The following CLSTN2 variants were observed in gnomAD, a reference collection of about 807,000 sequenced individuals.
CLSTN2 encodes the protein calsyntenin 2, also known as calsyntenin-2.
CLSTN2 carries 48 observed loss-of-function variants against 101.2 expected under a neutral mutation model. The ratio of observed to expected loss-of-function variants is 0.47; its 90% CI spans 0.38 to 0.60. The LOEUF (loss-of-function observed/expected upper bound fraction) is 0.60. Among genes scored for constraint, CLSTN2 ranks in the 20% least tolerant of loss-of-function variants. CLSTN2 has a pLI of 0.00. For synonymous variants in CLSTN2, 481 were observed against 463.6 expected, an observed-to-expected ratio of 1.04 and a Z score of -0.48; for missense variants, 1,160 against 1,238.2, an observed-to-expected ratio of 0.94 and a Z score of 0.95.
chr3:140,555,062 A>G (rs1935768851), intron 10 of CLSTN2, among the ~76,000 whole-genome samples: 1 of 152,224 alleles, frequency 6.6e-6, no homozygotes, highest in Non-Finnish European at 1.5e-5. Context: ...CTCATACTTC[A>G]TGTCCATTAT....
At chr3:140,475,917 G>C (rs375687194) in intron 8 of CLSTN2, among the ~76,000 whole-genome samples, 18 of 152,178 alleles carry the variant, frequency 1.2e-4, no homozygotes, top group Non-Finnish European at 2.2e-4. Flanking sequence ...AAAGAATGAA[G>C]TAACGTCAAC....
chr3:140,479,685 A>G (rs1039465136), intron 8 of CLSTN2, among the ~76,000 whole-genome samples: 3 of 152,242 alleles, frequency 2.0e-5, no homozygotes, highest in Non-Finnish European at 2.9e-5. Flanking sequence ...GGAAAAATAC[A>G]ATATCTAAAG....
At chr3:140,482,077 C>T (rs917993591) in intron 8 of CLSTN2, among the ~76,000 whole-genome samples, 3 of 152,178 alleles carry the variant, frequency 2.0e-5, no homozygotes, top group Non-Finnish European at 2.9e-5. Flanking sequence ...ATGATATTGG[C>T]TGTGGGTTTG....
chr3:140,133,803 C>A (rs2009559332), intron 1 of CLSTN2, among the ~76,000 whole-genome samples: 1 of 152,162 alleles, frequency 6.6e-6, no homozygotes, highest in Admixed American at 6.6e-5. Flanking sequence ...AACTTAGTCT[C>A]CCCATGCAGG....
chr3:140,247,981 G>T (rs2086530885), intron 2 of CLSTN2, among the ~76,000 whole-genome samples: 1 of 152,160 alleles, frequency 6.6e-6, no homozygotes, highest in African/African-American at 2.4e-5. Flanking sequence ...AAAGCTCCCA[G>T]GGTTGAGGTC....
At chr3:140,492,335 G>A (rs1232906569) in intron 8 of CLSTN2, among the ~76,000 whole-genome samples, 1 of 152,112 alleles carries the variant, frequency 6.6e-6, no homozygotes, top group Non-Finnish European at 1.5e-5. Flanking sequence ...AAATACATGT[G>A]TTTATTAAAA....
At chr3:140,273,214 G>A (rs925412279) in intron 2 of CLSTN2, among the ~76,000 whole-genome samples, 1 of 151,988 alleles carries the variant, frequency 6.6e-6, no homozygotes, top group Admixed American at 6.6e-5. Context: ...CCTGTCGGGG[G>A]GTGGGGGGCA....
chr3:140,339,011 A>T (rs2087467765), intron 2 of CLSTN2, among the ~76,000 whole-genome samples: 1 of 152,212 alleles, frequency 6.6e-6, no homozygotes, highest in Non-Finnish European at 1.5e-5. Context: ...GGGAGTAGGA[A>T]TGTGTCATGC....
chr3:140,369,704 C>T (rs964644676), intron 2 of CLSTN2, among the ~76,000 whole-genome samples: 4 of 152,176 alleles, frequency 2.6e-5, no homozygotes, highest in Non-Finnish European at 4.4e-5. Context: ...CACACCCCTC[C>T]TCCACCCCCA....
chr3:140,039,283 CA>C (rs1477364640), intron 1 of CLSTN2, among the ~76,000 whole-genome samples: 15 of 152,068 alleles, frequency 9.9e-5, no homozygotes, highest in Admixed American at 3.3e-4. Flanking sequence ...TTTCTGGGTC[CA>C]GGGGGTAGAA....
intron 8 of CLSTN2, among the ~76,000 whole-genome samples, chr3:140,523,316 T>A (rs950269093): frequency 6.6e-6 from 1 of 152,158 alleles, no homozygotes; most frequent in Non-Finnish European, 1.5e-5. Flanking sequence ...TGTAGAGAAC[T>A]TAGGTTTCCA....
intron 2 of CLSTN2, among the ~76,000 whole-genome samples, chr3:140,351,088 G>T (rs549885468): frequency 6.6e-6 from 1 of 152,298 alleles, no homozygotes; most frequent in South Asian, 2.1e-4. Context: ...ATGGAGAGAC[G>T]CCAACAGGGA....
chr3:140,194,452 C>T (rs2010615461), intron 2 of CLSTN2, among the ~76,000 whole-genome samples: 1 of 152,192 alleles, frequency 6.6e-6, no homozygotes, highest in East Asian at 1.9e-4. Flanking sequence ...AATGGGGGGA[C>T]ATAAACATTC....
At chr3:140,154,555 G>A (rs1165524133) in intron 1 of CLSTN2, among the ~76,000 whole-genome samples, 2 of 151,568 alleles carry the variant, frequency 1.3e-5, no homozygotes, top group South Asian at 2.1e-4. Context: ...GAGGCCTCCG[G>A]AAACTTACCA....
chr3:140,227,571 C>CA (rs369358105), intron 2 of CLSTN2, among the ~76,000 whole-genome samples: 113 of 152,338 alleles, frequency 7.4e-4, no homozygotes, highest in African/African-American at 2.5e-3. Flanking sequence ...CTCACAGCTC[C>CA]ACTAGGGAGT....
intron 2 of CLSTN2, among the ~76,000 whole-genome samples, chr3:140,372,468 C>A (rs993617804): frequency 6.6e-6 from 1 of 152,158 alleles, no homozygotes; most frequent in Non-Finnish European, 1.5e-5. Flanking sequence ...AGCAAAGTAT[C>A]CCTTCTCTAT....
intron 1 of CLSTN2, among the ~76,000 whole-genome samples, chr3:140,058,428 G>A (rs1560082132): frequency 1.3e-5 from 2 of 152,222 alleles, no homozygotes; most frequent in South Asian, 2.1e-4. Flanking sequence ...AAAGGGAGGT[G>A]GACAGATGCA....
intron 2 of CLSTN2, among the ~76,000 whole-genome samples, chr3:140,226,542 G>T (rs1390983014): frequency 6.6e-6 from 1 of 152,166 alleles, no homozygotes; most frequent in East Asian, 1.9e-4. Flanking sequence ...ATTCATTATA[G>T]AATTCTTTTA....
intron 6 of CLSTN2, among the ~76,000 whole-genome samples, chr3:140,449,117 G>A (rs1002183664): frequency 2.0e-5 from 3 of 152,216 alleles, no homozygotes; most frequent in Admixed American, 6.5e-5. Flanking sequence ...CACCTGGAAA[G>A]GGATTGGTCT....
Sources: allele counts gnomAD v4.1 joint callset (sites outside exome capture counted in the v4.1 genomes callset), GRCh38; gene constraint gnomAD v4.1.1; transcripts MANE v1.5; gene names NCBI Gene and HGNC (gene_info 2026-07-23, HGNC 2026-07-21).